The following ERN2 variants were observed in gnomAD, a reference collection of about 807,000 sequenced individuals.
ERN2 encodes serine/threonine-protein kinase/endoribonuclease IRE2.
Under a neutral mutation model 107.9 loss-of-function variants are expected in ERN2, and 111 were observed. The observed-to-expected ratio is 1.03, with a 90% CI of 0.88 to 1.20. The LOEUF is 1.20. ERN2 is among the 50% of genes most tolerant of loss of function. The pLI is 0.00. For synonymous variants in ERN2, 524 were observed against 501.7 expected, an observed-to-expected ratio of 1.04 and a Z score of -0.59; for missense variants, 1,225 against 1,197.9, an observed-to-expected ratio of 1.02 and a Z score of -0.33.
In ERN2 at chr16:23,695,912, C is replaced by A; in HGVS notation, c.1592G>T (p.Gly531Val). Residue 531 changes from glycine (G) to valine (V), a missense_variant, in exon 14 of 22, where the codon GGC (glycine) becomes GTC (valine). By Grantham distance (109) the Gly-to-Val change is moderately radical. Transcript: ENST00000256797. ...CACTCACCGGAAAACGAAAGTCCCGCCTGCCCCGCGGCCCAGCACGTCCTT... is the reference window on the plus strand; with the variant it reads ...CACTCACCGGAAAACGAAAGTCCCGACTGCCCCGCGGCCCAGCACGTCCTT... ...NPKDVLGRGAGGTFVFRGQFE... is the reference protein window; with the variant it reads ...NPKDVLGRGAVGTFVFRGQFE... 6.2e-7 allele frequency: 1 copy of A among 1,614,112 alleles called. No homozygotes were observed. Among genetic ancestry groups the A allele is most frequent in the East Asian group, 2.2e-5 (1 of 44,880 alleles).
At chr16:23,704,538 G>A (rs918522912) in intron 8 of ERN2, among the ~76,000 whole-genome samples, 7 of 152,182 alleles carry the variant, frequency 4.6e-5, no homozygotes, top group African/African-American at 1.4e-4. Context: ...CCCCAGCCAC[G>A]TGGAACTGAA....
chr16:23,711,875 C>T (rs943983592), intron 1 of ERN2: 1 of 203,658 alleles, frequency 4.9e-6, no homozygotes, highest in Admixed American at 5.8e-5. Context: ...CCTCCCCAAA[C>T]CAGCCCAGCT....
chr16:23,707,352 A>G (rs997556005), intron 4 of ERN2: 4 of 448,030 alleles, frequency 8.9e-6, no homozygotes, highest in African/African-American at 8.0e-5. Flanking sequence ...AAATGCAGAA[A>G]TTCCCACACC....
At chr16:23,702,560 A>G (rs1167935035) in intron 9 of ERN2, 23 bp from the exon 10 acceptor site, 4 of 1,613,836 alleles carry the variant, frequency 2.5e-6, no homozygotes, top group Admixed American at 3.3e-5. Flanking sequence ...ATGGAGAGCC[A>G]TGAGTGAGGG....
chr16:23,699,764 T>A (rs1189747345), intron 13 of ERN2, among the ~76,000 whole-genome samples: 1 of 152,234 alleles, frequency 6.6e-6, no homozygotes, highest in Middle Eastern at 3.4e-3. Context: ...TGAGAAAAGA[T>A]AAGTGTTTAA....
rs377741970 is a variant in ERN2 at position 23,700,671 on chromosome 16, T to A, written c.1393A>T (p.Thr465Ser). 1 of 1,612,832 alleles carries A rather than the reference T, an allele frequency of 6.2e-7. No homozygotes were observed. Among genetic ancestry groups the A allele is most frequent in the African/African-American group, 1.3e-5 (1 of 74,840 alleles). The change falls in exon 13 of 22, where the codon ACC becomes TCC. Residue 465 changes from threonine (T) to serine (S), a missense_variant. Transcript: ENST00000256797. ...QPQVVEKQQE[T>S]PLAPADFAHI... Reference sequence around the variant, plus strand: ...GCAAAGTCTGCAGGTGCCAGGGGGGTCTCCTGCTGCTTCTCCACCACCTGC... The same window carrying A: ...GCAAAGTCTGCAGGTGCCAGGGGGGACTCCTGCTGCTTCTCCACCACCTGC...
rs1567245399 is a variant in ERN2 at position 23,695,902 on chromosome 16, G to A, written c.1602C>T (p.Phe534=). The A allele has an allele frequency of 4.3e-6, 7 of 1,613,748 alleles. No homozygotes were observed. Among genetic ancestry groups the A allele is most frequent in the African/African-American group, 2.7e-5 (2 of 74,912 alleles). The change falls in exon 14 of 22, where the codon TTC becomes TTT. Residue 534 remains phenylalanine (F), a synonymous_variant. Coordinates refer to ENST00000256797, the MANE Select transcript of ERN2 (RefSeq NM_033266.4). Reference sequence around the variant, plus strand: ...TCCTGGCTGCCACTCACCGGAAAACGAAAGTCCCGCCTGCCCCGCGGCCCA... The same window carrying A: ...TCCTGGCTGCCACTCACCGGAAAACAAAAGTCCCGCCTGCCCCGCGGCCCA... ...DVLGRGAGGT[F]VFRGQFEGRA...
intron 13 of ERN2, among the ~76,000 whole-genome samples, chr16:23,698,691 T>G (rs1959923892): frequency 6.6e-6 from 1 of 152,166 alleles, no homozygotes; most frequent in African/African-American, 2.4e-5. Flanking sequence ...GTTTAAGCAA[T>G]TCTTGTACCT....
At position 23,708,347 on chromosome 16, in the gene ERN2, CTTTTTTTTTTTTTTTT is replaced by C. The variant is rs747761449; in HGVS notation, c.307-1284_307-1269del. ...CCAGATCTTTCCATTTGGTGCTATT[CTTTTTTTTTTTTTTTT>C]TTTTTTTTTTGGAGACATGGTATCA... On this transcript the variant is annotated intron_variant, in intron 4 of 21. Transcript: ENST00000256797. 6.9e-4 allele frequency among the ~76,000 whole-genome samples: 38 copies of C among 54,724 alleles called. No individual in the cohort carries two copies. In the Admixed American group the frequency reaches 7.2e-3, roughly 10 times the overall value. 35.9% of individuals were successfully genotyped at this position (54,724 alleles called of 152,430 possible).
chr16:23,694,960 C>G (rs777327573), intron 16 of ERN2, 33 bp from the exon 17 acceptor site: 1 of 1,613,650 alleles, frequency 6.2e-7, no homozygotes, highest in African/African-American at 1.3e-5. Context: ...AAGCTGGTTG[C>G]TGAGGGCGGA....
At chr16:23,700,744 G>T (rs774633954) in intron 12 of ERN2, 40 bp from the exon 13 acceptor site, 1 of 1,579,418 alleles carries the variant, frequency 6.3e-7, no homozygotes, top group South Asian at 1.2e-5. Context: ...TCCTGGCCAC[G>T]CCCTGCCCCG....
chr16:23,707,841 C>A (rs1189367922), intron 4 of ERN2, among the ~76,000 whole-genome samples: 1 of 152,250 alleles, frequency 6.6e-6, no homozygotes, highest in Non-Finnish European at 1.5e-5. Context: ...GAGAGACTCA[C>A]AGAAGTGAAG....
intron 5 of ERN2, 25 bp from the exon 6 acceptor site, chr16:23,706,886 C>T (rs1255467861): frequency 1.3e-6 from 2 of 1,599,432 alleles, no homozygotes; most frequent in Admixed American, 3.3e-5. Flanking sequence ...AGTGTGTTAG[C>T]TCTCAAGTTG....
In ERN2 at chr16:23,702,226, G is replaced by A. The variant is rs750454127; in HGVS notation, c.1129C>T (p.His377Tyr). 1 of 1,614,036 alleles carries A rather than the reference G, an allele frequency of 6.2e-7. No homozygotes were observed. Among genetic ancestry groups the A allele is most frequent in the South Asian group, 1.1e-5 (1 of 91,084 alleles). The change falls in exon 11 of 22, where the codon CAT becomes TAT. Residue 377 changes from histidine (H) to tyrosine (Y), a missense_variant. Transcript: ENST00000256797. ...PVLHTTMLRV[H>Y]PTLGSGTAET... Reference sequence around the variant, plus strand: ...GCAGTTCCACTCCCCAGGGTGGGATGGACCCTCAGCATGGTGGTGTGCAGG... The same window carrying A: ...GCAGTTCCACTCCCCAGGGTGGGATAGACCCTCAGCATGGTGGTGTGCAGG...
rs185411801 is a variant in ERN2, at chr16:23,713,199, A to G, written c.-12T>C. ...ACCGCACTCGCCATAGCGCCTGGGC[A>G]GCTGCACGGCTGGCCAGGTCCCTGG... On this transcript the variant is annotated 5_prime_UTR_variant, in exon 1 of 22. Coordinates refer to ENST00000256797, the MANE Select transcript of ERN2 (RefSeq NM_033266.4). 1.9e-6 allele frequency: 3 copies of G among 1,579,758 alleles called. No homozygotes were observed. The highest frequency in any genetic ancestry group is 1.1e-5 in the South Asian group (1 of 87,290).
chr16:23,692,128 G>C (rs1310177307), intron 18 of ERN2, 38 bp from the exon 19 acceptor site: 1 of 1,613,584 alleles, frequency 6.2e-7, no homozygotes, highest in Non-Finnish European at 8.5e-7. Flanking sequence ...TCTGCTTCAG[G>C]CCTGCCTAGC....
chr16:23,706,513 T>TG lies in ERN2; in HGVS notation c.488-83dup, dbSNP rs1192350290. On this transcript the variant is annotated intron_variant, in intron 6 of 21. Coordinates refer to ENST00000256797, the MANE Select transcript of ERN2 (RefSeq NM_033266.4). Reference sequence around the variant, plus strand: ...CCAGGGGCCATTTATCTTGCAGGAGTGGGGGTTTCCTGAGCACACAGCCTA... The same window carrying TG: ...CCAGGGGCCATTTATCTTGCAGGAGTGGGGGGTTTCCTGAGCACACAGCCTA... 7.7e-6 allele frequency: 8 copies of TG among 1,037,892 alleles called. No homozygotes were observed. In the African/African-American group the frequency reaches 9.5e-5, roughly 12 times the overall value. 64.3% of individuals were successfully genotyped at this position (1,037,892 alleles called of 1,614,324 possible). A position where few individuals can be genotyped will look rare whatever the true frequency, so the allele number is the denominator to read the frequency against.
In ERN2 at chr16:23,691,247, A is replaced by G. The variant is rs774083590; in HGVS notation, c.2501-51T>C. ...AACCGTCCCTGCTAGACTCCCCTCC[A>G]CCGCCCAGGCCCACTCCCCTCCACC... On this transcript the variant is annotated intron_variant, in intron 20 of 21. Transcript: ENST00000256797. 2.5e-6 allele frequency: 4 copies of G among 1,610,924 alleles called. No homozygotes were observed. In the South Asian group the frequency reaches 3.3e-5, roughly 13 times the overall value.
Position 23,690,756 on chromosome 16 carries a change from G to GGCGGT in ERN2, c.*74_*75insACCGC. On this transcript the variant is annotated 3_prime_UTR_variant, in exon 22 of 22. Transcript: ENST00000256797. ...AGGTGTGAGCCACTGCACCCAGCCT[G>GGCGGT]ATTCTGAGGCCAGCCACAGGCTCAG... 1 of 1,341,316 alleles carries GGCGGT rather than the reference G, an allele frequency of 7.5e-7. No individual in the cohort carries two copies. The highest frequency in any genetic ancestry group is 1.0e-6 in the Non-Finnish European group (1 of 962,984). 83.1% of individuals were successfully genotyped at this position (1,341,316 alleles called of 1,614,324 possible). A position where few individuals can be genotyped will look rare whatever the true frequency, so the allele number is the denominator to read the frequency against.
Sources: gnomAD v4.1 joint callset for allele counts (sites outside exome capture counted in the v4.1 genomes callset) on GRCh38, gnomAD v4.1.1 for gene constraint, MANE v1.5 for transcripts, NCBI Gene and HGNC (gene_info 2026-07-23, HGNC 2026-07-21) for gene names.